Variants in EFCAB14 observed in about 807,000 individuals in gnomAD.
The protein encoded by EFCAB14 is EF-hand calcium binding domain 14, also known as EF-hand calcium-binding domain-containing protein 14.
EFCAB14 carries 43 observed loss-of-function variants against 56.5 expected under a neutral mutation model. The observed-to-expected ratio is 0.76, with a 90% CI of 0.60 to 0.98. EFCAB14 has a LOEUF of 0.98. Ranked by LOEUF, EFCAB14 falls within the 50% of genes least tolerant of loss-of-function variation. EFCAB14 has a pLI of 0.00. For synonymous variants in EFCAB14, 235 were observed against 212.9 expected (o/e 1.10, Z -0.90); for missense variants, 538 against 580.3 (o/e 0.93, Z 0.75).
chr1:46,695,186 G>A (rs1030375727), intron 4 of EFCAB14, among the ~76,000 whole-genome samples: 3 of 152,138 alleles, frequency 2.0e-5, no homozygotes, highest in Admixed American at 6.5e-5. Flanking sequence ...AAACCTGCAC[G>A]TTGTGCACAT....
chr1:46,697,417 G>C (rs1677091847), intron 3 of EFCAB14, among the ~76,000 whole-genome samples: 1 of 152,222 alleles, frequency 6.6e-6, no homozygotes, highest in East Asian at 1.9e-4. Flanking sequence ...GTAATAGTCA[G>C]TTTCAGGCTG....
chr1:46,707,615 T>C (rs1359867668), intron 3 of EFCAB14, among the ~76,000 whole-genome samples: 1 of 152,228 alleles, frequency 6.6e-6, no homozygotes, highest in Non-Finnish European at 1.5e-5. Context: ...CTGACACCTA[T>C]TCTACTATGT....
chr1:46,679,657 CT>C (rs1676759995), intron 10 of EFCAB14, among the ~76,000 whole-genome samples: 1 of 130,716 alleles, frequency 7.7e-6, no homozygotes, highest in Non-Finnish European at 1.5e-5. Flanking sequence ...GTCACCCAGG[CT>C]GGAGTGCAGT....
intron 10 of EFCAB14, among the ~76,000 whole-genome samples, chr1:46,679,724 C>T (rs1676761568): frequency 6.7e-6 from 1 of 149,518 alleles, no homozygotes; most frequent in Admixed American, 6.8e-5. Flanking sequence ...TATTCTCCTG[C>T]CTCAGCCTCC....
At position 46,717,918 on chromosome 1, in the gene EFCAB14, C is replaced by A; in HGVS notation, c.170G>T (p.Arg57Leu). The A allele has an allele frequency of 6.2e-7, 1 of 1,613,598 alleles. No individual in the cohort carries two copies. The highest frequency in any genetic ancestry group is 8.5e-7 in the Non-Finnish European group (1 of 1,179,842). ...CACTACTCACTTGGCAAAGCGAGAG[C>A]GATTTCCAACCACACCGAATTCCTC... Reference protein sequence around the residue: ...EEEEFGVVGNRSRFAKGDYLR... With the variant: ...EEEEFGVVGNLSRFAKGDYLR... The change falls in exon 1 of 11, where the codon CGC becomes CTC. Residue 57 changes from arginine to leucine, a missense_variant. Arg to Leu is a moderately radical substitution (Grantham distance 102, BLOSUM62 -2). Coordinates refer to ENST00000371933, the MANE Select transcript of EFCAB14 (RefSeq NM_014774.3).
chr1:46,717,962 C>T lies in EFCAB14; in HGVS notation c.126G>A (p.Glu42=), dbSNP rs747892084. The change falls in exon 1 of 11, where the codon GAG becomes GAA. Residue 42 remains glutamate (E), a synonymous_variant. Coordinates refer to ENST00000371933, the MANE Select transcript of EFCAB14 (RefSeq NM_014774.3). The part of the protein sequence containing the change: ...LRTEPPDSDS[E]SSSEEEEEFG... ...ATTCCTCTTCCTCTTCGGAGCTGGACTCAGAGTCTGAGTCGGGAGGCTCAG... is the reference window on the plus strand; with the variant it reads ...ATTCCTCTTCCTCTTCGGAGCTGGATTCAGAGTCTGAGTCGGGAGGCTCAG... 6.2e-7 allele frequency: 1 copy of T among 1,614,216 alleles called. No homozygotes were observed. The highest frequency in any genetic ancestry group is 1.1e-5 in the South Asian group (1 of 91,082).
rs1191131600 is a variant in EFCAB14 at position 46,676,199 on chromosome 1, G to A, written c.*2262C>T. ...GAAGATGTACTTTCTCAGGCAGGATGACAAAAATATTCATAGATCTGAGAA... is the reference window on the plus strand; with the variant it reads ...GAAGATGTACTTTCTCAGGCAGGATAACAAAAATATTCATAGATCTGAGAA... On this transcript the variant is annotated 3_prime_UTR_variant, in exon 11 of 11. Transcript: ENST00000371933. 6.6e-6 allele frequency: 1 copy of A among 152,196 alleles called. No individual in the cohort carries two copies. Among genetic ancestry groups the A allele is most frequent in the Non-Finnish European group, 1.5e-5 (1 of 68,040 alleles). The allele number at this position is 152,196 out of a possible 1,614,324, so 9.4% of individuals were successfully genotyped here.
chr1:46,687,697 C>A (rs1243208235), intron 7 of EFCAB14, among the ~76,000 whole-genome samples: 1 of 152,170 alleles, frequency 6.6e-6, no homozygotes, highest in South Asian at 2.1e-4. Context: ...GATCCCTGCA[C>A]AAAGTTTATG....
At chr1:46,688,226 G>A (rs1676920355) in intron 7 of EFCAB14, 127 bp downstream of exon 7, 3 of 865,252 alleles carry the variant, frequency 3.5e-6, no homozygotes, top group South Asian at 1.7e-5. Context: ...CACATTGTGA[G>A]GATTAAGCAC....
intron 2 of EFCAB14, 103 bp downstream of exon 2, chr1:46,716,192 T>C: frequency 2.4e-6 from 3 of 1,276,410 alleles, no homozygotes; most frequent in Non-Finnish European, 3.1e-6. Context: ...GATGTTGCAG[T>C]GAGCCGAGAT....
In EFCAB14 at chr1:46,695,156, C is replaced by G. The variant is rs540944101; in HGVS notation, c.579+1395G>C. 7.9e-5 allele frequency among the ~76,000 whole-genome samples: 12 copies of G among 152,202 alleles called. No homozygotes were observed. The East Asian group carries it at 2.3e-3, about 29-fold the overall frequency. On this transcript the variant is annotated intron_variant, in intron 4 of 10. Transcript: ENST00000371933. ...TAATGGGTGCAGCACACCAACATGG[C>G]ACATATATACATACGTAACAAACCT...
intron 3 of EFCAB14, among the ~76,000 whole-genome samples, chr1:46,701,421 T>C (rs1479585499): frequency 6.6e-6 from 1 of 152,228 alleles, no homozygotes; most frequent in African/African-American, 2.4e-5. Context: ...TTCAGCCACC[T>C]GAGGGGACAA....
At chr1:46,681,760 A>C (rs1016640388) in intron 10 of EFCAB14, among the ~76,000 whole-genome samples, 5 of 151,816 alleles carry the variant, frequency 3.3e-5, no homozygotes, top group Admixed American at 3.3e-4. Flanking sequence ...TTGCTGCCTC[A>C]GGTCATTCCA....
intron 3 of EFCAB14, among the ~76,000 whole-genome samples, chr1:46,706,176 CT>C (rs1677231564): frequency 6.6e-6 from 1 of 152,114 alleles, no homozygotes; most frequent in Non-Finnish European, 1.5e-5. Flanking sequence ...CTTAAGTCTT[CT>C]TTATATTAAT....
At position 46,678,503 on chromosome 1, in the gene EFCAB14, TC is replaced by T; in HGVS notation, c.1445del (p.Gly482GlufsTer8). On this transcript the variant is annotated frameshift_variant, in exon 11 of 11. Transcript: ENST00000371933. LOFTEE classifies it high-confidence loss of function. ...SLRAFDSDGD[G>X]RYSFLELRVA... ...CCCTTAGCTCCAGGAATGAGTATCTTCCATCTCCATCGGAATCAAATGCTCT... is the reference window on the plus strand; with the variant it reads ...CCCTTAGCTCCAGGAATGAGTATCTTCATCTCCATCGGAATCAAATGCTCT... 1.2e-6 allele frequency: 2 copies of T among 1,614,160 alleles called. No individual in the cohort carries two copies. The highest frequency in any genetic ancestry group is 1.7e-6 in the Non-Finnish European group (2 of 1,180,036).
Position 46,688,350 on chromosome 1 carries a change from T to G in EFCAB14, c.987+3A>C. ...ATGTCACAAAAGATCAGAAAAGGCT[T>G]ACCATGCTGAAGGACAGGTTTGCTT... On this transcript the variant is annotated splice_donor_region_variant and intron_variant, in intron 7 of 10. Transcript: ENST00000371933. 2 of 1,612,984 alleles carry G rather than the reference T, an allele frequency of 1.2e-6. No homozygotes were observed. The highest frequency in any genetic ancestry group is 1.7e-6 in the Non-Finnish European group (2 of 1,179,236).
intron 3 of EFCAB14, among the ~76,000 whole-genome samples, chr1:46,698,976 T>G (rs1180162091): frequency 1.3e-5 from 2 of 150,358 alleles, no homozygotes; most frequent in African/African-American, 4.9e-5. Context: ...GGTTTAGACT[T>G]GAGTGGTAGT....
Position 46,688,420 on chromosome 1 carries a change from T to TTGAC in EFCAB14, c.916_919dup (p.Asn307SerfsTer27). ...AGCAACCACATCGCTTTCTATCAGG[T>TTGAC]TGACTCTCTGGGTAAGATTACTGAC... On this transcript the variant is annotated frameshift_variant, in exon 7 of 11. Transcript: ENST00000371933. LOFTEE classifies it high-confidence loss of function. 1 of 1,614,024 alleles carries TTGAC rather than the reference T, an allele frequency of 6.2e-7. No individual in the cohort carries two copies.
intron 2 of EFCAB14, among the ~76,000 whole-genome samples, chr1:46,711,946 C>T (rs528044225): frequency 4.6e-5 from 7 of 152,292 alleles, no homozygotes; most frequent in Admixed American, 2.0e-4. Context: ...GAGCCAGGCA[C>T]GGTCACAGAA....
Sources: allele counts gnomAD v4.1 joint callset (sites outside exome capture counted in the v4.1 genomes callset), GRCh38; gene constraint gnomAD v4.1.1; transcripts MANE v1.5; gene names NCBI Gene and HGNC (gene_info 2026-07-23, HGNC 2026-07-21).